The following SSR1 variants were observed in gnomAD, a reference collection of about 807,000 sequenced individuals.
SSR1 encodes the protein translocon-associated protein subunit alpha.
In SSR1, 13 loss-of-function variants were observed where a neutral mutation model predicts 36.1. The ratio of observed to expected loss-of-function variants is 0.36; its 90% confidence interval spans 0.23 to 0.57. The LOEUF is 0.57. Among genes scored for constraint, SSR1 ranks in the 20% least tolerant of loss-of-function variants. The probability of loss-of-function intolerance (pLI) is 0.81; values close to 1 mark genes in which losing one functional copy is unlikely to be tolerated. For missense variants in SSR1, 291 were observed against 338.5 expected, an observed-to-expected ratio of 0.86 and a Z score of 1.10; for synonymous variants, 113 against 118.9, an observed-to-expected ratio of 0.95 and a Z score of 0.32.
intron 6 of SSR1, 67 bp downstream of exon 6, chr6:7,297,856 A>G: frequency 8.0e-7 from 1 of 1,253,080 alleles, no homozygotes; most frequent in Non-Finnish European, 1.2e-6. Context: ...CCGAAGAACT[A>G]GACTGCTTAA....
In SSR1 at chr6:7,282,963, C is replaced by A. The variant is rs987867410; in HGVS notation, c.*6901G>T. 6 of 152,256 alleles carry A rather than the reference C, an allele frequency of 3.9e-5. No homozygotes were observed. The highest frequency in any genetic ancestry group is 1.4e-4 in the African/African-American group (6 of 41,458). 9.4% of individuals were successfully genotyped at this position (152,256 alleles called of 1,614,324 possible). A position where few individuals can be genotyped will look rare whatever the true frequency, so the allele number is the denominator to read the frequency against. ...TCCGCTTCTCATACGTACCAAGGAC[C>A]AACTGCTTTGAATCTTCCACTGTGG... On this transcript the variant is annotated 3_prime_UTR_variant, in exon 8 of 8. Transcript: ENST00000244763.
chr6:7,303,138 T>TAAAAAAAAAAAAAA (rs35763826), intron 3 of SSR1, among the ~76,000 whole-genome samples: 7 of 42,918 alleles, frequency 1.6e-4, no homozygotes, highest in African/African-American at 5.5e-4. Context: ...GACTACATCT[T>TAAAAAAAAAAAAAA]AAAAAAAAAA....
At chr6:7,303,138 TAAAAA>T (rs35763826) in intron 3 of SSR1, among the ~76,000 whole-genome samples, 5 of 42,918 alleles carry the variant, frequency 1.2e-4, no homozygotes, top group African/African-American at 4.4e-4. Context: ...GACTACATCT[TAAAAA>T]AAAAAAAAAA....
At chr6:7,305,253 T>C (rs79673796) in intron 2 of SSR1, among the ~76,000 whole-genome samples, 3,655 of 152,252 alleles carry the variant, frequency 0.024, 97 homozygotes, top group African/African-American at 0.063. Context: ...GTAGGACACA[T>C]GGCAAAAGAT....
Position 7,288,104 on chromosome 6 carries a change from G to A in SSR1, c.*1760C>T, listed in dbSNP as rs1354313868. On this transcript the variant is annotated 3_prime_UTR_variant, in exon 8 of 8. Transcript: ENST00000244763. ...ACCAGGTATTCCATAAAACTCTGTAGAGGCCATTTACATTTCGTAAATTCT... is the reference window on the plus strand; with the variant it reads ...ACCAGGTATTCCATAAAACTCTGTAAAGGCCATTTACATTTCGTAAATTCT... 1.3e-5 allele frequency: 2 copies of A among 152,172 alleles called. No homozygotes were observed. The highest frequency in any genetic ancestry group is 2.9e-5 in the Non-Finnish European group (2 of 68,038). The allele number at this position is 152,172 out of a possible 1,614,324, so 9.4% of individuals were successfully genotyped here.
chr6:7,306,656 C>G (rs962454133), intron 2 of SSR1, among the ~76,000 whole-genome samples: 9 of 151,380 alleles, frequency 5.9e-5, no homozygotes, highest in African/African-American at 2.2e-4. Context: ...GTGGCTCATG[C>G]CTGTAATCCC....
At chr6:7,304,806 T>C (rs902276378) in intron 2 of SSR1, among the ~76,000 whole-genome samples, 1 of 152,222 alleles carries the variant, frequency 6.6e-6, no homozygotes, top group Non-Finnish European at 1.5e-5. Context: ...CCATTGTTTA[T>C]TGGCATTTAA....
At chr6:7,303,097 C>A (rs1034369351) in intron 3 of SSR1, among the ~76,000 whole-genome samples, 1 of 139,076 alleles carries the variant, frequency 7.2e-6, no homozygotes, top group African/African-American at 2.7e-5. Flanking sequence ...CGAGATCATA[C>A]CACTGCACTC....
intron 1 of SSR1, among the ~76,000 whole-genome samples, chr6:7,310,681 A>T (rs9392875): frequency 5.0e-4 from 76 of 152,064 alleles, no homozygotes; most frequent in African/African-American, 1.7e-3. Flanking sequence ...AAGGCTGAGG[A>T]GGGTGAATTA....
rs936343907 is a variant in SSR1 at position 7,284,396 on chromosome 6, T to C, written c.*5468A>G. The C allele has an allele frequency of 6.6e-6, 1 of 152,212 alleles. No homozygotes were observed. The highest frequency in any genetic ancestry group is 1.5e-5 in the Non-Finnish European group (1 of 68,036). The allele number at this position is 152,212 out of a possible 1,614,324, so 9.4% of individuals were successfully genotyped here. A position where few individuals can be genotyped will look rare whatever the true frequency, so the allele number is the denominator to read the frequency against. On this transcript the variant is annotated 3_prime_UTR_variant, in exon 8 of 8. Coordinates refer to ENST00000244763, the MANE Select transcript of SSR1 (RefSeq NM_003144.5). ...TGCCCATCTTAAAACTTTTATCCTT[T>C]AGTTACAAAAAGAATACTATGTAGC...
intron 2 of SSR1, among the ~76,000 whole-genome samples, chr6:7,306,654 T>A (rs9505137): frequency 2.0e-5 from 3 of 151,090 alleles, no homozygotes; most frequent in Non-Finnish European, 4.4e-5. Flanking sequence ...CAGTGGCTCA[T>A]GCCTGTAATC....
chr6:7,312,304 T>C (rs961394264), intron 1 of SSR1, among the ~76,000 whole-genome samples: 3 of 152,218 alleles, frequency 2.0e-5, no homozygotes, highest in Non-Finnish European at 2.9e-5. Flanking sequence ...CCACATTTTT[T>C]CAGCACAATA....
At chr6:7,292,440 C>T (rs1395450789) in intron 7 of SSR1, among the ~76,000 whole-genome samples, 2 of 152,226 alleles carry the variant, frequency 1.3e-5, no homozygotes, top group African/African-American at 4.8e-5. Flanking sequence ...ACCACTGCCT[C>T]TGCTTAGGCC....
Position 7,313,110 on chromosome 6 carries a change from A to T in SSR1, c.11T>A (p.Leu4His). The change falls in exon 1 of 8, where the codon CTC (leucine) becomes CAC (histidine). Residue 4 changes from leucine (L) to histidine (H), a missense_variant. Coordinates refer to ENST00000244763, the MANE Select transcript of SSR1 (RefSeq NM_003144.5). ...TAAGAGAAGCAGCAGCAAGCGGGGG[A>T]GGAGTCTCATGGCGCTGCCGGTCCA... MRL[L>H]PRLLLLLLLV... The T allele has an allele frequency of 6.2e-7, 1 of 1,606,318 alleles. No individual in the cohort carries two copies. The highest frequency in any genetic ancestry group is 8.5e-7 in the Non-Finnish European group (1 of 1,176,314).
Position 7,301,575 on chromosome 6 carries a change from GAGAAACAA to G in SSR1, c.281-11_281-4del. On this transcript the variant is annotated splice_polypyrimidine_tract_variant and splice_region_variant and intron_variant, in intron 3 of 7. Transcript: ENST00000244763. ...CACAATGTTATTTGCTGGAAAATCT[GAGAAACAA>G]AATAGAGACAAAAAAATTAGAACAC... 2 of 1,600,496 alleles carry G rather than the reference GAGAAACAA, an allele frequency of 1.2e-6. No homozygotes were observed. The highest frequency in any genetic ancestry group is 1.7e-6 in the Non-Finnish European group (2 of 1,176,372).
rs1367008133 is a variant in SSR1 at position 7,284,783 on chromosome 6, GAATT to G, written c.*5077_*5080del. The G allele has an allele frequency of 2.0e-5, 3 of 151,378 alleles. No homozygotes were observed. The highest frequency in any genetic ancestry group is 7.3e-5 in the African/African-American group (3 of 41,122). The allele number at this position is 151,378 out of a possible 1,614,324, so 9.4% of individuals were successfully genotyped here. A position where few individuals can be genotyped will look rare whatever the true frequency, so the allele number is the denominator to read the frequency against. On this transcript the variant is annotated 3_prime_UTR_variant, in exon 8 of 8. Transcript: ENST00000244763. ...GGGAAGAATCATTTATAGTAACACT[GAATT>G]AAGTAAGGGTTTGTAGGTCACAGAA...
intron 7 of SSR1, among the ~76,000 whole-genome samples, chr6:7,293,652 G>A (rs1488041754): frequency 6.6e-6 from 1 of 152,062 alleles, no homozygotes; most frequent in African/African-American, 2.4e-5. Flanking sequence ...GGGCTCAGGC[G>A]ATCCTCCTGC....
chr6:7,310,036 A>G lies in SSR1; in HGVS notation c.80-7T>C. On this transcript the variant is annotated splice_polypyrimidine_tract_variant and splice_region_variant and intron_variant, in intron 1 of 7. Coordinates refer to ENST00000244763, the MANE Select transcript of SSR1 (RefSeq NM_003144.5). ...TGTGCCACTGCTAACAAGCCTAATG[A>G]TAAAATACAGAAAAAGCAGTTACCC... 6.2e-7 allele frequency: 1 copy of G among 1,602,666 alleles called. No individual in the cohort carries two copies. The highest frequency in any genetic ancestry group is 8.5e-7 in the Non-Finnish European group (1 of 1,170,230).
At chr6:7,311,916 A>G (rs1758202849) in intron 1 of SSR1, among the ~76,000 whole-genome samples, 1 of 152,230 alleles carries the variant, frequency 6.6e-6, no homozygotes, top group South Asian at 2.1e-4. Flanking sequence ...AAAAGCTTAA[A>G]GAGTACCAGC....
Sources: gnomAD v4.1 joint callset for allele counts (sites outside exome capture counted in the v4.1 genomes callset) on GRCh38, gnomAD v4.1.1 for gene constraint, MANE v1.5 for transcripts, NCBI Gene and HGNC (gene_info 2026-07-23, HGNC 2026-07-21) for gene names.